Variants in REV3L observed in about 807,000 individuals in gnomAD.
REV3L encodes REV3 like, DNA directed polymerase zeta catalytic subunit, also known as DNA polymerase zeta catalytic subunit.
A neutral mutation model predicts 299.4 loss-of-function variants in REV3L; 69 were observed. The ratio of observed to expected loss-of-function variants is 0.23; its 90% CI spans 0.19 to 0.28. The LOEUF is 0.28. Ranked by LOEUF, REV3L falls within the 10% of genes least tolerant of loss-of-function variation. The pLI, the probability that REV3L is intolerant of heterozygous loss-of-function variation, is 1.00. For missense variants in REV3L, 3,128 were observed against 3,693.8 expected, an observed-to-expected ratio of 0.85 and a Z score of 3.97; for synonymous variants, 1,238 against 1,271.4, an observed-to-expected ratio of 0.97 and a Z score of 0.56.
chr6:111,467,315 T>C (rs1438085011), intron 1 of REV3L, among the ~76,000 whole-genome samples: 2 of 152,206 alleles, frequency 1.3e-5, no homozygotes, highest in Admixed American at 1.3e-4. Context: ...CTTCCTGGCT[T>C]CCCACAATCT....
intron 1 of REV3L, chr6:111,431,502 A>G: frequency 1.0e-6 from 1 of 954,994 alleles, no homozygotes; most frequent in Admixed American, 1.7e-5. Context: ...AGCTCCAGGA[A>G]GCCCAGAATG....
At chr6:111,452,066 C>T (rs1336457427) in intron 1 of REV3L, among the ~76,000 whole-genome samples, 1 of 150,848 alleles carries the variant, frequency 6.6e-6, no homozygotes, top group African/African-American at 2.5e-5. Flanking sequence ...GGATACTTCA[C>T]CAAAGAAGAT....
At chr6:111,483,270 G>A, upstream of REV3L, 1 of 479,824 alleles carries the variant, frequency 2.1e-6, no homozygotes, top group Non-Finnish European at 3.6e-6. Flanking sequence ...GCGAAGGGAG[G>A]CTGCGAGTAG....
At chr6:111,337,628 T>C (rs1490207941) in intron 21 of REV3L, among the ~76,000 whole-genome samples, 1 of 152,182 alleles carries the variant, frequency 6.6e-6, no homozygotes, top group Non-Finnish European at 1.5e-5. Flanking sequence ...ATACTAGTGA[T>C]GATAAAGTGC....
chr6:111,423,598 AT>A (rs1306147625), intron 1 of REV3L, among the ~76,000 whole-genome samples: 1 of 152,014 alleles, frequency 6.6e-6, no homozygotes, highest in African/African-American at 2.4e-5. Context: ...GCATGTACTA[AT>A]GACCTGTACA....
At chr6:111,367,087 G>T in intron 14 of REV3L, 28 bp downstream of exon 14, 1 of 1,483,272 alleles carries the variant, frequency 6.7e-7, no homozygotes, top group Non-Finnish European at 9.1e-7. Flanking sequence ...GAACAATTAT[G>T]GAGACTTCCT....
chr6:111,345,367 G>C (rs1456050036), intron 20 of REV3L, among the ~76,000 whole-genome samples: 2 of 152,144 alleles, frequency 1.3e-5, no homozygotes, highest in Non-Finnish European at 2.9e-5. Flanking sequence ...CTGGACCTTA[G>C]ATTTCTCCTC....
chr6:111,472,199 A>G (rs1792304654), intron 1 of REV3L: 2 of 1,077,822 alleles, frequency 1.9e-6, no homozygotes, highest in African/African-American at 3.4e-5. Flanking sequence ...GTATGCCAAC[A>G]TGTTTTAACT....
chr6:111,455,935 A>T (rs1277900245), intron 1 of REV3L, among the ~76,000 whole-genome samples: 1 of 152,230 alleles, frequency 6.6e-6, no homozygotes, highest in Non-Finnish European at 1.5e-5. Context: ...TGGTTCCTTA[A>T]GATAGAGCAT....
chr6:111,405,270 A>C (rs1029992450), intron 4 of REV3L, among the ~76,000 whole-genome samples, 200 bp downstream of exon 4: 12 of 152,094 alleles, frequency 7.9e-5, no homozygotes, highest in African/African-American at 2.9e-4. Context: ...AACTCAATAA[A>C]GCTGTTACCA....
chr6:111,392,773 T>C, intron 5 of REV3L, 103 bp downstream of exon 5: 1 of 698,300 alleles, frequency 1.4e-6, no homozygotes, highest in Non-Finnish European at 2.5e-6. Context: ...ATTAAAAAGA[T>C]CCAATACAAT....
chr6:111,310,955 G>A (rs1041079965), intron 29 of REV3L, 114 bp downstream of exon 29: 205 of 686,226 alleles, frequency 3.0e-4, no homozygotes, highest in Non-Finnish European at 4.0e-4. Flanking sequence ...CTTCATGTGC[G>A]CAGGTAAAGA....
At chr6:111,356,881 T>A (rs1477933536) in intron 18 of REV3L, 133 bp downstream of exon 18, 1 of 412,694 alleles carries the variant, frequency 2.4e-6, no homozygotes, top group Non-Finnish European at 4.5e-6. Flanking sequence ...TTCCCAAGAG[T>A]AACTCTGCTT....
chr6:111,422,687 T>C (rs1355803106), intron 1 of REV3L, among the ~76,000 whole-genome samples: 1 of 124,808 alleles, frequency 8.0e-6, no homozygotes, highest in Non-Finnish European at 1.7e-5. Flanking sequence ...TACGTATATA[T>C]ATATATATAT....
intron 29 of REV3L, 81 bp from the exon 30 acceptor site, chr6:111,310,180 C>T (rs1378984911): frequency 2.1e-6 from 3 of 1,430,206 alleles, no homozygotes; most frequent in Non-Finnish European, 2.8e-6. Flanking sequence ...CAGAATTAAA[C>T]AATAATAAAA....
intron 1 of REV3L, among the ~76,000 whole-genome samples, chr6:111,481,628 C>T (rs1274420910): frequency 1.3e-5 from 2 of 152,224 alleles, no homozygotes; most frequent in Non-Finnish European, 1.5e-5. Context: ...GTGATGAGGG[C>T]AAGGAGCATC....
Position 111,373,263 on chromosome 6 carries a change from T to A in REV3L, c.5092A>T (p.Ser1698Cys). Residue 1698 changes from serine (S) to cysteine (C), a missense_variant, in exon 13 of 32, where the codon AGT (serine) becomes TGT (cysteine). This residue lies in a region of REV3L where 2,409 missense variants were observed against 2,611.8 expected (regional missense o/e 0.92). Coordinates refer to ENST00000368802, the MANE Select transcript of REV3L (RefSeq NM_001372078.1). ...TCATCACATTTCTGGTTGTCATGACTTAAAAACTCATTTTTTTCTATAGCT... is the reference window on the plus strand; with the variant it reads ...TCATCACATTTCTGGTTGTCATGACATAAAAACTCATTTTTTTCTATAGCT... ...GQAIEKNEFLSHDNQKCDEDK... is the reference protein window; with the variant it reads ...GQAIEKNEFLCHDNQKCDEDK... 6.2e-7 allele frequency: 1 copy of A among 1,614,106 alleles called. No individual in the cohort carries two copies. Among genetic ancestry groups the A allele is most frequent in the Non-Finnish European group, 8.5e-7 (1 of 1,180,004 alleles).
At chr6:111,358,688 C>T in intron 17 of REV3L, 134 bp downstream of exon 17, 1 of 629,348 alleles carries the variant, frequency 1.6e-6, no homozygotes, top group Non-Finnish European at 2.6e-6. Flanking sequence ...ACACAATCTC[C>T]TACCCCTACC....
At chr6:111,408,212 T>C (rs943833625) in intron 3 of REV3L, among the ~76,000 whole-genome samples, 2 of 152,128 alleles carry the variant, frequency 1.3e-5, no homozygotes, top group Non-Finnish European at 2.9e-5. Context: ...GAGGAGAGAA[T>C]GGATGTAAAT....
Sources: allele counts gnomAD v4.1 joint callset (sites outside exome capture counted in the v4.1 genomes callset), GRCh38; gene constraint gnomAD v4.1.1; regional missense constraint gnomAD v4.1.1; transcripts MANE v1.5; gene names NCBI Gene and HGNC (gene_info 2026-07-23, HGNC 2026-07-21).